CCSER2: variants seen among roughly 807,000 people sequenced by gnomAD.
CCSER2 encodes the protein coiled-coil serine rich protein 2, also known as serine-rich coiled-coil domain-containing protein 2.
A neutral mutation model predicts 92.3 loss-of-function variants in CCSER2; 46 were observed. The observed-to-expected ratio is 0.50, with a 90% CI of 0.39 to 0.64. The LOEUF (loss-of-function observed/expected upper bound fraction) is 0.64, where lower values mean the gene tolerates loss of function less well. CCSER2 is among the 30% of genes least tolerant of loss of function. CCSER2 has a pLI of 0.00. For synonymous variants in CCSER2, 433 were observed against 431.4 expected, an observed-to-expected ratio of 1.00 and a Z score of -0.04; for missense variants, 1,244 against 1,238.9, an observed-to-expected ratio of 1.00 and a Z score of -0.06.
At chr10:84,341,690 G>A (rs1452583392) in intron 1 of CCSER2, among the ~76,000 whole-genome samples, 12 of 152,102 alleles carry the variant, frequency 7.9e-5, no homozygotes, top group Admixed American at 7.2e-4. Flanking sequence ...CACTTCAGAT[G>A]CATGCTCCAG....
At chr10:84,370,814 A>G (rs1316606225) in intron 1 of CCSER2, among the ~76,000 whole-genome samples, 200 bp from the exon 2 acceptor site, 2 of 152,294 alleles carry the variant, frequency 1.3e-5, no homozygotes, top group Middle Eastern at 6.8e-3. Context: ...ATAAAAGTTT[A>G]TAAAAATGTT....
At chr10:84,333,240 G>C (rs1029093264) in intron 1 of CCSER2, among the ~76,000 whole-genome samples, 4 of 152,054 alleles carry the variant, frequency 2.6e-5, no homozygotes, top group African/African-American at 9.7e-5. Context: ...TTAGTAATCT[G>C]CTCCCACTGG....
intron 1 of CCSER2, among the ~76,000 whole-genome samples, chr10:84,339,999 G>A (rs527805787): frequency 6.6e-6 from 1 of 151,984 alleles, no homozygotes; most frequent in Admixed American, 6.5e-5. Flanking sequence ...ATGCCACCAC[G>A]CCCGGCTAAT....
chr10:84,431,177 G>A, intron 5 of CCSER2, among the ~76,000 whole-genome samples: 1 of 152,002 alleles, frequency 6.6e-6, no homozygotes, highest in East Asian at 1.9e-4. Context: ...TATCCTATGG[G>A]CCTTGACAAA....
chr10:84,375,262 C>T (rs1846264674), intron 3 of CCSER2, among the ~76,000 whole-genome samples: 1 of 152,118 alleles, frequency 6.6e-6, no homozygotes, highest in African/African-American at 2.4e-5. Context: ...CCATGAGTTT[C>T]CTCCTTGTTC....
chr10:84,412,201 T>C (rs1011508456), intron 3 of CCSER2, among the ~76,000 whole-genome samples: 7 of 152,210 alleles, frequency 4.6e-5, no homozygotes, highest in African/African-American at 1.7e-4. Flanking sequence ...AGTATTTTGT[T>C]GAAGATCTTT....
chr10:84,449,843 G>A (rs1335880986), intron 6 of CCSER2, among the ~76,000 whole-genome samples: 4 of 152,140 alleles, frequency 2.6e-5, no homozygotes, highest in Admixed American at 6.5e-5. Context: ...GCAAAACTCC[G>A]TCTCAAAAAC....
intron 3 of CCSER2, among the ~76,000 whole-genome samples, chr10:84,393,289 G>A (rs1319808468): frequency 6.6e-6 from 1 of 152,082 alleles, no homozygotes; most frequent in Non-Finnish European, 1.5e-5. Context: ...TGTGCTTTCT[G>A]CATGGTTATA....
At chr10:84,495,295 A>G (rs1027189452) in intron 9 of CCSER2, among the ~76,000 whole-genome samples, 1 of 151,200 alleles carries the variant, frequency 6.6e-6, no homozygotes. Flanking sequence ...ATTGATTTCT[A>G]ATTTGATCCC....
chr10:84,465,852 G>A (rs929068507), intron 7 of CCSER2, among the ~76,000 whole-genome samples: 7 of 151,976 alleles, frequency 4.6e-5, no homozygotes, highest in Admixed American at 3.9e-4. Context: ...CTGGGTTCAC[G>A]CCATTCTTCT....
chr10:84,502,124 T>A (rs1267420771), intron 9 of CCSER2, among the ~76,000 whole-genome samples: 2 of 151,158 alleles, frequency 1.3e-5, no homozygotes, highest in African/African-American at 4.8e-5. Flanking sequence ...GGTTTTTTTT[T>A]AGTTATAAAA....
rs1044448686 is a variant in CCSER2 at position 84,360,707 on chromosome 10, A to G, written c.-39-10307A>G. On this transcript the variant is annotated intron_variant, in intron 1 of 9. Coordinates refer to ENST00000372088, the MANE Select transcript of CCSER2 (RefSeq NM_001284240.2). ...TGAATTCCAGATCGGCAGAATCAAC[A>G]TCACCTGGAAACTTGTTAAAAATAC... Among the ~76,000 whole-genome samples the G allele has an allele frequency of 4.6e-5, 7 of 152,332 alleles. No homozygotes were observed. The South Asian group carries it at 8.3e-4, about 18-fold the overall frequency.
chr10:84,403,302 G>A (rs1842215265), intron 3 of CCSER2, among the ~76,000 whole-genome samples: 1 of 152,004 alleles, frequency 6.6e-6, no homozygotes, highest in African/African-American at 2.4e-5. Context: ...AATTCAGAAT[G>A]GATCATCGAT....
At chr10:84,401,802 G>A (rs1842132780) in intron 3 of CCSER2, among the ~76,000 whole-genome samples, 1 of 152,176 alleles carries the variant, frequency 6.6e-6, no homozygotes, top group South Asian at 2.1e-4. Context: ...TGTGGCTTCA[G>A]CAGCCATTTC....
intron 3 of CCSER2, among the ~76,000 whole-genome samples, chr10:84,385,004 AACACAC>A (rs56977232): frequency 0.016 from 2,363 of 145,882 alleles, 23 homozygotes; most frequent in Non-Finnish European, 0.026. Context: ...ATTTACAATA[AACACAC>A]ACACACACAC....
At chr10:84,351,835 C>T (rs1442555390) in intron 1 of CCSER2, among the ~76,000 whole-genome samples, 1 of 152,178 alleles carries the variant, frequency 6.6e-6, no homozygotes, top group Non-Finnish European at 1.5e-5. Context: ...TGTGGCCTTA[C>T]CACATTATAA....
intron 3 of CCSER2, among the ~76,000 whole-genome samples, chr10:84,410,347 A>G (rs958565464): frequency 6.6e-6 from 1 of 152,176 alleles, no homozygotes; most frequent in Non-Finnish European, 1.5e-5. Context: ...CACACCATCT[A>G]TCACAATGGT....
intron 8 of CCSER2, among the ~76,000 whole-genome samples, chr10:84,471,513 A>G (rs1325812739): frequency 6.6e-6 from 1 of 151,996 alleles, no homozygotes; most frequent in Non-Finnish European, 1.5e-5. Context: ...GAGGTTATGA[A>G]CCTCCTATTT....
chr10:84,508,848 C>A (rs565170276), intron 9 of CCSER2, among the ~76,000 whole-genome samples: 1 of 152,264 alleles, frequency 6.6e-6, no homozygotes, highest in South Asian at 2.1e-4. Flanking sequence ...TTCTTATATG[C>A]TTTAATAATC....
Sources: allele counts gnomAD v4.1 joint callset (sites outside exome capture counted in the v4.1 genomes callset), GRCh38; gene constraint gnomAD v4.1.1; transcripts MANE v1.5; gene names NCBI Gene and HGNC (gene_info 2026-07-23, HGNC 2026-07-21).